CYTH3: variants seen among roughly 807,000 people sequenced by gnomAD.
The protein encoded by CYTH3 is cytohesin 3.
CYTH3 carries 23 observed loss-of-function variants against 55.1 expected under a neutral mutation model. That is an observed-to-expected ratio of 0.42 (90% CI 0.30 to 0.59). The LOEUF is 0.59. Ranked by LOEUF, CYTH3 falls within the 20% of genes least tolerant of loss-of-function variation. The pLI is 0.20. For missense variants in CYTH3, 413 were observed against 524.8 expected, an observed-to-expected ratio of 0.79 and a Z score of 2.08; for synonymous variants, 249 against 194.9, an observed-to-expected ratio of 1.28 and a Z score of -2.31.
chr7:6,221,567 C>G (rs187073524), intron 1 of CYTH3, among the ~76,000 whole-genome samples: 4 of 152,280 alleles, frequency 2.6e-5, no homozygotes, highest in African/African-American at 9.6e-5. Context: ...CCAATGTCAG[C>G]TTCCTGATTT....
At chr7:6,261,399 T>C (rs1780349920) in intron 1 of CYTH3, among the ~76,000 whole-genome samples, 3 of 152,040 alleles carry the variant, frequency 2.0e-5, no homozygotes, top group Non-Finnish European at 4.4e-5. Context: ...TAAACCAGAA[T>C]AGACCATGCC....
At chr7:6,263,802 GAA>G (rs199590342) in intron 1 of CYTH3, among the ~76,000 whole-genome samples, 10 of 122,332 alleles carry the variant, frequency 8.2e-5, no homozygotes, top group Non-Finnish European at 1.1e-4. Flanking sequence ...CTAACTTCAG[GAA>G]AAAAAAAAAA....
intron 1 of CYTH3, among the ~76,000 whole-genome samples, chr7:6,202,294 C>G (rs1407680153): frequency 2.0e-5 from 3 of 152,138 alleles, no homozygotes; most frequent in Non-Finnish European, 4.4e-5. Flanking sequence ...AGCACCTCAG[C>G]CAAGGCCCCA....
At position 6,163,894 on chromosome 7, in the gene CYTH3, G is replaced by A. The variant is rs573917017; in HGVS notation, c.*1050C>T. 8.5e-5 allele frequency: 13 copies of A among 152,232 alleles called. No homozygotes were observed. The highest frequency in any genetic ancestry group is 2.2e-4 in the African/African-American group (9 of 41,536). 9.4% of individuals were successfully genotyped at this position (152,232 alleles called of 1,614,324 possible). ...ATAGCGATGAATATGGTCAAAAGCCGGTCTAACCTGCTGACCTGTATGAAA... is the reference window on the plus strand; with the variant it reads ...ATAGCGATGAATATGGTCAAAAGCCAGTCTAACCTGCTGACCTGTATGAAA... On this transcript the variant is annotated 3_prime_UTR_variant, in exon 13 of 13. Transcript: ENST00000350796.
At chr7:6,232,341 T>C (rs559056147) in intron 1 of CYTH3, among the ~76,000 whole-genome samples, 2 of 152,314 alleles carry the variant, frequency 1.3e-5, no homozygotes, top group South Asian at 4.1e-4. Flanking sequence ...GTCTGACTGC[T>C]GGCCTTGGAG....
intron 1 of CYTH3, among the ~76,000 whole-genome samples, chr7:6,194,433 A>T (rs1429915922): frequency 1.3e-5 from 2 of 152,218 alleles, no homozygotes; most frequent in East Asian, 3.8e-4. Context: ...TGACAGAGCG[A>T]GACTCCCATC....
At chr7:6,218,171 T>G (rs1179659398) in intron 1 of CYTH3, among the ~76,000 whole-genome samples, 3 of 152,134 alleles carry the variant, frequency 2.0e-5, no homozygotes, top group African/African-American at 4.8e-5. Flanking sequence ...AGCCAGACCC[T>G]ATCTCAAAAA....
chr7:6,217,650 T>C (rs1455690127), intron 1 of CYTH3, among the ~76,000 whole-genome samples: 1 of 152,116 alleles, frequency 6.6e-6, no homozygotes, highest in Non-Finnish European at 1.5e-5. Context: ...AACCAAAGAA[T>C]CAGCAAGTAT....
chr7:6,163,080 G>A lies in CYTH3; in HGVS notation c.*1864C>T, dbSNP rs1373645352. ...TCAGAACTAAAACTTCCGATTTGAG[G>A]TATCAGTAACAAAGCCTAAGAACGT... On this transcript the variant is annotated 3_prime_UTR_variant, in exon 13 of 13. Transcript: ENST00000350796. 1.3e-5 allele frequency: 2 copies of A among 152,808 alleles called. No homozygotes were observed. The highest frequency in any genetic ancestry group is 1.9e-4 in the East Asian group (1 of 5,188). The allele number at this position is 152,808 out of a possible 1,614,324, so 9.5% of individuals were successfully genotyped here.
At chr7:6,187,608 G>A (rs746234246) in intron 3 of CYTH3, 49 bp downstream of exon 3, 4 of 1,513,566 alleles carry the variant, frequency 2.6e-6, no homozygotes, top group South Asian at 2.2e-5. Context: ...CAGGATGGAG[G>A]TAGAAAGAAA....
intron 1 of CYTH3, among the ~76,000 whole-genome samples, chr7:6,203,409 C>A (rs1165049599): frequency 6.6e-6 from 1 of 151,760 alleles, no homozygotes; most frequent in Non-Finnish European, 1.5e-5. Flanking sequence ...ACGTTTCATG[C>A]AAAAAAACAA....
At position 6,164,982 on chromosome 7, in the gene CYTH3, A is replaced by G. The variant is rs544958542; in HGVS notation, c.1162T>C (p.Leu388=). The change falls in exon 13 of 13, where the codon TTG becomes CTG. Residue 388 remains leucine (L), a synonymous_variant. Transcript: ENST00000350796. Reference sequence around the variant, plus strand: ...GCAATCCTTCGTTTCCTCGTTGCCAACATGTCATAGAAGGGATCTCTGCTG... The same window carrying G: ...GCAATCCTTCGTTTCCTCGTTGCCAGCATGTCATAGAAGGGATCTCTGCTG... ...SISRDPFYDM[L]ATRKRRIANK... is the part of the protein sequence containing the mutation. 3 of 1,614,196 alleles carry G rather than the reference A, an allele frequency of 1.9e-6. No homozygotes were observed. Among genetic ancestry groups the G allele is most frequent in the African/African-American group, 1.3e-5 (1 of 75,044 alleles).
chr7:6,231,466 G>T (rs563292397), intron 1 of CYTH3, among the ~76,000 whole-genome samples: 1 of 152,250 alleles, frequency 6.6e-6, no homozygotes, highest in East Asian at 1.9e-4. Context: ...TGAGGCCGGG[G>T]TGTCTCCCAG....
intron 6 of CYTH3, chr7:6,173,115 C>A (rs1163109476): frequency 1.6e-5 from 16 of 979,222 alleles, no homozygotes; most frequent in African/African-American, 5.3e-5. Context: ...AGAGCCCACG[C>A]GACTCAGCCA....
chr7:6,172,911 T>C, intron 6 of CYTH3: 6 of 1,217,542 alleles, frequency 4.9e-6, no homozygotes, highest in Non-Finnish European at 6.3e-6. Flanking sequence ...AGTCTGCAGT[T>C]GAGGTAAGGC....
At chr7:6,255,373 C>G (rs1780071375) in intron 1 of CYTH3, among the ~76,000 whole-genome samples, 2 of 152,174 alleles carry the variant, frequency 1.3e-5, no homozygotes, top group South Asian at 4.1e-4. Flanking sequence ...CCGAAATATC[C>G]TCAATGGCTG....
At chr7:6,215,305 G>A (rs1194188858) in intron 1 of CYTH3, among the ~76,000 whole-genome samples, 1 of 152,134 alleles carries the variant, frequency 6.6e-6, no homozygotes, top group East Asian at 1.9e-4. Flanking sequence ...GACAAATGAG[G>A]ACAGGCCAGG....
At chr7:6,211,080 G>C (rs1295872014) in intron 1 of CYTH3, among the ~76,000 whole-genome samples, 1 of 152,172 alleles carries the variant, frequency 6.6e-6, no homozygotes, top group Non-Finnish European at 1.5e-5. Flanking sequence ...GCTGGGTTCA[G>C]AACAAAATCC....
intron 1 of CYTH3, among the ~76,000 whole-genome samples, 171 bp from the exon 2 acceptor site, chr7:6,190,702 C>T (rs1783780471): frequency 6.6e-6 from 1 of 152,074 alleles, no homozygotes; most frequent in Non-Finnish European, 1.5e-5. Context: ...CTCTTTATAA[C>T]CAGAAAACAG....
Sources: gnomAD v4.1 joint callset for allele counts (sites outside exome capture counted in the v4.1 genomes callset) on GRCh38, gnomAD v4.1.1 for gene constraint, MANE v1.5 for transcripts, NCBI Gene and HGNC (gene_info 2026-07-23, HGNC 2026-07-21) for gene names.